Variants in TLN2 observed in about 807,000 individuals in gnomAD.
TLN2 encodes talin 2.
In TLN2, 118 loss-of-function variants were observed where a neutral mutation model predicts 294.7. That is an observed-to-expected ratio of 0.40 (90% CI 0.34 to 0.47). The LOEUF (loss-of-function observed/expected upper bound fraction) is 0.47. Ranked by LOEUF, TLN2 falls within the 20% of genes least tolerant of loss-of-function variation. TLN2 has a pLI of 0.84. For synonymous variants in TLN2, 1,431 were observed against 1,304.5 expected, an observed-to-expected ratio of 1.10 and a Z score of -2.09; for missense variants, 3,083 against 3,282.2, an observed-to-expected ratio of 0.94 and a Z score of 1.48.
intron 1 of TLN2, among the ~76,000 whole-genome samples, chr15:62,471,042 G>C (rs2037444224): frequency 6.6e-6 from 1 of 152,170 alleles, no homozygotes; most frequent in Non-Finnish European, 1.5e-5. Flanking sequence ...GGGTTAGGGT[G>C]GGGGTAAAAA....
Position 62,702,692 on chromosome 15 carries a change from C to G in TLN2, c.1906-74C>G, listed in dbSNP as rs1001141980. 6 of 1,441,570 alleles carry G rather than the reference C, an allele frequency of 4.2e-6. No individual in the cohort carries two copies. The African/African-American group carries it at 8.4e-5, about 20-fold the overall frequency. The allele number at this position is 1,441,570 out of a possible 1,614,324, so 89.3% of individuals were successfully genotyped here. ...GAGCAAATTCTGTGAGATTCTACTT[C>G]CTGTACTTCCATGTCTGATGGCACT... On this transcript the variant is annotated intron_variant, in intron 18 of 58. Coordinates refer to ENST00000636159, the MANE Select transcript of TLN2 (RefSeq NM_015059.3).
At chr15:62,619,020 A>C (rs2048544124) in intron 3 of TLN2, among the ~76,000 whole-genome samples, 1 of 152,138 alleles carries the variant, frequency 6.6e-6, no homozygotes, top group Non-Finnish European at 1.5e-5. Context: ...TCTGTGGCCT[A>C]TACTATGCCC....
Position 62,792,783 on chromosome 15 carries a change from A to G in TLN2, c.5879A>G (p.Glu1960Gly). 6.2e-7 allele frequency: 1 copy of G among 1,613,848 alleles called. No individual in the cohort carries two copies. The highest frequency in any genetic ancestry group is 8.5e-7 in the Non-Finnish European group (1 of 1,179,964). The change falls in exon 46 of 59, where the codon GAA (glutamate) becomes GGA (glycine). Residue 1960 changes from glutamate to glycine, a missense_variant. Physicochemically the swap from Glu to Gly is moderately conservative, Grantham distance 98 (BLOSUM62 -2). Coordinates refer to ENST00000636159, the MANE Select transcript of TLN2 (RefSeq NM_015059.3). Reference sequence around the variant, plus strand: ...ATCGAATGCGCCCGTGCCGTCACGGAAAAGGTAAGGAGCAGCCCTCAGTTT... The same window carrying G: ...ATCGAATGCGCCCGTGCCGTCACGGGAAAGGTAAGGAGCAGCCCTCAGTTT... ...ELIECARAVT[E>G]KVSLVLSALQ...
At chr15:62,530,287 G>C (rs78565328) in intron 1 of TLN2, among the ~76,000 whole-genome samples, 16,900 of 152,214 alleles carry the variant, frequency 0.11, 2,314 homozygotes, top group African/African-American at 0.33. Context: ...CCTAAAAGTA[G>C]AATTTTTGGG....
chr15:62,535,629 C>T (rs1567068502), intron 1 of TLN2, among the ~76,000 whole-genome samples: 1 of 150,670 alleles, frequency 6.6e-6, no homozygotes, highest in Non-Finnish European at 1.5e-5. Flanking sequence ...AATTGCAGCT[C>T]ACTGCAACCT....
intron 20 of TLN2, 51 bp downstream of exon 20, chr15:62,707,304 C>A: frequency 6.5e-7 from 1 of 1,527,764 alleles, no homozygotes; most frequent in Non-Finnish European, 8.8e-7. Flanking sequence ...CCTGCTGTTA[C>A]CTGCCTCCAG....
chr15:62,840,586 C>A lies in TLN2; in HGVS notation c.7605C>A (p.Thr2535=), dbSNP rs779993722. 1 of 1,614,118 alleles carries A rather than the reference C, an allele frequency of 6.2e-7. No homozygotes were observed. The highest frequency in any genetic ancestry group is 8.5e-7 in the Non-Finnish European group (1 of 1,180,016). ...AGCAGCAGTATAAGTTTTTACCCAC[C>A]GAGCTGAGGGAAGATGAGGGCTAAA... The part of the protein sequence containing the change: ...IRQQQYKFLP[T]ELREDEG Residue 2535 remains threonine (T), a synonymous_variant, in exon 59 of 59, where the codon ACC becomes ACA. Transcript: ENST00000636159.
intron 4 of TLN2, 127 bp from the exon 5 acceptor site, chr15:62,649,957 C>T (rs2052397649): frequency 2.4e-5 from 21 of 892,478 alleles, no homozygotes; most frequent in Non-Finnish European, 3.4e-5. Context: ...GTTGTCAAAA[C>T]GAAACATTGC....
intron 1 of TLN2, among the ~76,000 whole-genome samples, chr15:62,397,344 A>G (rs2032634117): frequency 6.6e-6 from 1 of 152,114 alleles, no homozygotes; most frequent in Non-Finnish European, 1.5e-5. Flanking sequence ...TACAGCCTCA[A>G]ACTCCCGGGC....
intron 1 of TLN2, among the ~76,000 whole-genome samples, chr15:62,571,565 G>A (rs911060978): frequency 6.6e-6 from 1 of 152,122 alleles, no homozygotes; most frequent in African/African-American, 2.4e-5. Context: ...TAAAAACAAG[G>A]TACTTTACCT....
intron 5 of TLN2, among the ~76,000 whole-genome samples, chr15:62,651,714 A>T (rs1325641108): frequency 6.6e-6 from 1 of 152,180 alleles, no homozygotes; most frequent in Admixed American, 6.5e-5. Flanking sequence ...TAGGGTAAAC[A>T]CTTTTAAATA....
chr15:62,444,924 G>T (rs550274076), intron 1 of TLN2, among the ~76,000 whole-genome samples: 1 of 152,154 alleles, frequency 6.6e-6, no homozygotes, highest in African/African-American at 2.4e-5. Flanking sequence ...TTTGGGGGTT[G>T]GTTGAGAGCC....
intron 1 of TLN2, among the ~76,000 whole-genome samples, chr15:62,554,985 A>C (rs538320445): frequency 1.1e-5 from 1 of 87,928 alleles, no homozygotes; most frequent in Non-Finnish European, 2.1e-5. Context: ...TATAAATTCT[A>C]TTTAGAAAGA....
chr15:62,589,180 T>C lies in TLN2; in HGVS notation c.-237-507T>C, dbSNP rs532992647. 4.6e-5 allele frequency among the ~76,000 whole-genome samples: 7 copies of C among 152,216 alleles called. No individual in the cohort carries two copies. The South Asian group carries it at 1.0e-3, about 23-fold the overall frequency. ...GATTATAGTGCTTCTCTGCTTCAAA[T>C]TGGGTTTCCATGGAGCAAGTTCCCA... On this transcript the variant is annotated intron_variant, in intron 1 of 58. Transcript: ENST00000636159.
At chr15:62,776,548 C>T (rs1459963957) in intron 42 of TLN2, among the ~76,000 whole-genome samples, 3 of 151,958 alleles carry the variant, frequency 2.0e-5, no homozygotes, top group African/African-American at 4.8e-5. Flanking sequence ...TTTTATTTTT[C>T]CCTGATTGTA....
At chr15:62,566,855 C>CT (rs1013982645) in intron 1 of TLN2, among the ~76,000 whole-genome samples, 62 of 146,690 alleles carry the variant, frequency 4.2e-4, no homozygotes, top group East Asian at 1.4e-3. Flanking sequence ...GCCCAGCCCA[C>CT]TTTTTTTTTT....
At chr15:62,656,416 C>G (rs2053218045) in intron 8 of TLN2, among the ~76,000 whole-genome samples, 1 of 152,196 alleles carries the variant, frequency 6.6e-6, no homozygotes, top group Non-Finnish European at 1.5e-5. Context: ...GGTTTCTTAG[C>G]TGGCATCTTA....
At chr15:62,663,350 A>T (rs1269728286) in intron 9 of TLN2, among the ~76,000 whole-genome samples, 1 of 152,126 alleles carries the variant, frequency 6.6e-6, no homozygotes, top group Non-Finnish European at 1.5e-5. Flanking sequence ...ATGATAATTA[A>T]TAGTTTAATA....
chr15:62,455,237 A>G (rs965622357), intron 1 of TLN2, among the ~76,000 whole-genome samples: 1 of 151,874 alleles, frequency 6.6e-6, no homozygotes, highest in East Asian at 1.9e-4. Context: ...TAGGTCAGCA[A>G]TATTGCAGTT....
Sources: allele counts gnomAD v4.1 joint callset (sites outside exome capture counted in the v4.1 genomes callset), GRCh38; gene constraint gnomAD v4.1.1; transcripts MANE v1.5; gene names NCBI Gene and HGNC (gene_info 2026-07-23, HGNC 2026-07-21).